The following SFT2D2 variants were observed in gnomAD, a reference collection of about 807,000 sequenced individuals.
The protein encoded by SFT2D2 is vesicle transport protein SFT2B.
A neutral mutation model predicts 27.4 loss-of-function variants in SFT2D2; 21 were observed. The observed-to-expected ratio is 0.77, with a 90% CI of 0.54 to 1.10. The LOEUF (loss-of-function observed/expected upper bound fraction) is 1.10. Among genes scored for constraint, SFT2D2 ranks in the 50% least tolerant of loss-of-function variants. The pLI, the probability that SFT2D2 is intolerant of heterozygous loss-of-function variation, is 0.00. For missense variants in SFT2D2, 187 were observed against 194.2 expected (o/e 0.96, Z 0.22); for synonymous variants, 72 against 71.7 (o/e 1.00, Z -0.02).
chr1:168,241,619 G>C (rs1282706112), intron 7 of SFT2D2, among the ~76,000 whole-genome samples: 1 of 152,118 alleles, frequency 6.6e-6, no homozygotes, highest in Non-Finnish European at 1.5e-5. Flanking sequence ...GCAAAATTAG[G>C]TAGGTTCCTC....
intron 3 of SFT2D2, among the ~76,000 whole-genome samples, 171 bp downstream of exon 3, chr1:168,232,090 T>C (rs889029788): frequency 6.6e-6 from 1 of 152,196 alleles, no homozygotes; most frequent in Non-Finnish European, 1.5e-5. Flanking sequence ...TTTTATATCT[T>C]AGTTTGAAAC....
intron 4 of SFT2D2, 32 bp downstream of exon 4, chr1:168,235,214 A>G: frequency 6.3e-7 from 1 of 1,597,604 alleles, no homozygotes; most frequent in Non-Finnish European, 8.6e-7. Flanking sequence ...GACTTCTCAG[A>G]TGGGAGTTTT....
At chr1:168,236,679 C>T (rs1647511994) in intron 5 of SFT2D2, 33 bp from the exon 6 acceptor site, 1 of 1,613,750 alleles carries the variant, frequency 6.2e-7, no homozygotes, top group Non-Finnish European at 8.5e-7. Flanking sequence ...CCTTGTCTCA[C>T]ACTCTCCTAT....
chr1:168,246,440 G>T lies in SFT2D2; in HGVS notation c.*3900G>T. The T allele has an allele frequency of 8.9e-7, 1 of 1,125,776 alleles. No homozygotes were observed. The highest frequency in any genetic ancestry group is 1.2e-6 in the Non-Finnish European group (1 of 818,940). 69.7% of individuals were successfully genotyped at this position (1,125,776 alleles called of 1,614,324 possible). A position where few individuals can be genotyped will look rare whatever the true frequency, so the allele number is the denominator to read the frequency against. On this transcript the variant is annotated 3_prime_UTR_variant, in exon 8 of 8. Coordinates refer to ENST00000271375, the MANE Select transcript of SFT2D2 (RefSeq NM_199344.3). ...CAATGTCCTTCATTTGACACCGTTT[G>T]GTTTAGCTCTCTTTGTATGTGTTCA...
Position 168,231,598 on chromosome 1 carries a change from C to G in SFT2D2, c.148C>G (p.Leu50Val). 6.2e-7 allele frequency: 1 copy of G among 1,613,660 alleles called. No individual in the cohort carries two copies. Among genetic ancestry groups the G allele is most frequent in the South Asian group, 1.1e-5 (1 of 91,064 alleles). ...TGCTATAGGAATTCTCTGCTCACTG[C>G]TGGTAAGATTTCCCTTCCTCCTCTG... Reference protein sequence around the residue: ...CFAIGILCSLLGTVLLWVPRK... With the variant: ...CFAIGILCSLVGTVLLWVPRK... Residue 50 changes from leucine to valine, a missense_variant and splice_region_variant, in exon 2 of 8, where the codon CTG becomes GTG. Physicochemically the swap from Leu to Val is conservative, Grantham distance 32 (BLOSUM62 1). Coordinates refer to ENST00000271375, the MANE Select transcript of SFT2D2 (RefSeq NM_199344.3).
Position 168,249,167 on chromosome 1 carries a change from T to A in SFT2D2, c.*6627T>A, listed in dbSNP as rs1408197392. 1 of 152,192 alleles carries A rather than the reference T, an allele frequency of 6.6e-6. No individual in the cohort carries two copies. Among genetic ancestry groups the A allele is most frequent in the Non-Finnish European group, 1.5e-5 (1 of 68,042 alleles). 9.4% of individuals were successfully genotyped at this position (152,192 alleles called of 1,614,324 possible). The stretch of plus-strand genomic sequence containing the variant: ...GCTTCTCTAGGTCTTTTAATTGTGA[T>A]GTTAGGGTGTTGATTTTAGATCTTT... On this transcript the variant is annotated 3_prime_UTR_variant, in exon 8 of 8. Transcript: ENST00000271375.
rs1205593735 is a variant in SFT2D2, at chr1:168,252,841, A to T, written c.*10301A>T. 6.6e-6 allele frequency: 1 copy of T among 152,256 alleles called. No homozygotes were observed. Among genetic ancestry groups the T allele is most frequent in the Non-Finnish European group, 1.5e-5 (1 of 68,046 alleles). The allele number at this position is 152,256 out of a possible 1,614,324, so 9.4% of individuals were successfully genotyped here. ...TGTGTAACTGAATTTTTGTATCCAA[A>T]AATACATTCTTGAGTACTACTTTTC... On this transcript the variant is annotated 3_prime_UTR_variant, in exon 8 of 8. Transcript: ENST00000271375.
chr1:168,239,316 A>C (rs1572454720), intron 7 of SFT2D2, among the ~76,000 whole-genome samples, 156 bp downstream of exon 7: 1 of 152,262 alleles, frequency 6.6e-6, no homozygotes, highest in East Asian at 1.9e-4. Flanking sequence ...GTTAAAGGTC[A>C]CCCCACCACC....
At chr1:168,239,759 C>T (rs562092796) in intron 7 of SFT2D2, among the ~76,000 whole-genome samples, 30 of 151,898 alleles carry the variant, frequency 2.0e-4, no homozygotes, top group South Asian at 1.2e-3. Context: ...CTTTCAGTGA[C>T]GGACCTCTCA....
chr1:168,226,849 T>C (rs1463695548), intron 1 of SFT2D2, among the ~76,000 whole-genome samples: 1 of 152,070 alleles, frequency 6.6e-6, no homozygotes, highest in Non-Finnish European at 1.5e-5. Flanking sequence ...AGACAGAGTC[T>C]CACTCTGTCG....
At chr1:168,238,427 G>T (rs1647561757) in intron 6 of SFT2D2, among the ~76,000 whole-genome samples, 1 of 151,878 alleles carries the variant, frequency 6.6e-6, no homozygotes, top group South Asian at 2.1e-4. Flanking sequence ...AGGCTGAGGT[G>T]GGAGGATTGC....
chr1:168,232,358 T>C (rs1647349626), intron 3 of SFT2D2, among the ~76,000 whole-genome samples: 2 of 152,218 alleles, frequency 1.3e-5, no homozygotes, highest in South Asian at 4.1e-4. Context: ...ATCTGAGCGC[T>C]TCCTGGAGGT....
chr1:168,236,188 C>T (rs1245837995), intron 4 of SFT2D2, among the ~76,000 whole-genome samples: 1 of 152,192 alleles, frequency 6.6e-6, no homozygotes, highest in Admixed American at 6.5e-5. Flanking sequence ...AGATTGATAT[C>T]TCAGGTTAAC....
rs1337623656 is a variant in SFT2D2, at chr1:168,243,513, AGTC to A, written c.*974_*976del. The A allele has an allele frequency of 6.6e-6, 1 of 152,230 alleles. No individual in the cohort carries two copies. Among genetic ancestry groups the A allele is most frequent in the African/African-American group, 2.4e-5 (1 of 41,446 alleles). The allele number at this position is 152,230 out of a possible 1,614,324, so 9.4% of individuals were successfully genotyped here. ...CACGCCTGCCCAGTGACCTTTAAAT[AGTC>A]CCAGTGTTTGCACTTAGCCTGTGCT... On this transcript the variant is annotated 3_prime_UTR_variant, in exon 8 of 8. Transcript: ENST00000271375.
At chr1:168,233,994 G>T (rs12049118) in intron 3 of SFT2D2, among the ~76,000 whole-genome samples, 1 of 152,332 alleles carries the variant, frequency 6.6e-6, no homozygotes, top group Admixed American at 6.5e-5. Context: ...AAGAGAGGAA[G>T]ACTTATTGGC....
chr1:168,236,518 A>G (rs1647503652), intron 4 of SFT2D2, 71 bp from the exon 5 acceptor site: 2 of 1,466,758 alleles, frequency 1.4e-6, no homozygotes, highest in Admixed American at 1.8e-5. Flanking sequence ...TTTGTGAAGA[A>G]TAACAAGTTT....
At position 168,245,653 on chromosome 1, in the gene SFT2D2, C is replaced by G. The variant is rs1647789095; in HGVS notation, c.*3113C>G. 6.6e-6 allele frequency: 1 copy of G among 150,950 alleles called. No individual in the cohort carries two copies. Among genetic ancestry groups the G allele is most frequent in the Non-Finnish European group, 1.5e-5 (1 of 67,882 alleles). The allele number at this position is 150,950 out of a possible 1,614,324, so 9.4% of individuals were successfully genotyped here. Reference sequence around the variant, plus strand: ...ATCTAGAAGATCCACAGTAACTCTCCTGCTGTGCAGCTGGTTCCTAACAGG... The same window carrying G: ...ATCTAGAAGATCCACAGTAACTCTCGTGCTGTGCAGCTGGTTCCTAACAGG... On this transcript the variant is annotated 3_prime_UTR_variant, in exon 8 of 8. Transcript: ENST00000271375.
intron 1 of SFT2D2, among the ~76,000 whole-genome samples, chr1:168,227,011 G>A (rs1265609788): frequency 5.9e-5 from 9 of 151,976 alleles, no homozygotes; most frequent in Non-Finnish European, 1.3e-4. Flanking sequence ...CTAGAGACGA[G>A]GTTTCACCAT....
intron 7 of SFT2D2, 101 bp downstream of exon 7, chr1:168,239,261 G>C: frequency 1.1e-6 from 1 of 880,554 alleles, no homozygotes; most frequent in East Asian, 2.4e-5. Context: ...GAAGTCTTTT[G>C]AGTCAAGTAG....
Sources: gnomAD v4.1 joint callset for allele counts (sites outside exome capture counted in the v4.1 genomes callset) on GRCh38, gnomAD v4.1.1 for gene constraint, MANE v1.5 for transcripts, NCBI Gene and HGNC (gene_info 2026-07-23, HGNC 2026-07-21) for gene names.